The following PCDH10 variants were observed in gnomAD, a reference collection of about 807,000 sequenced individuals.
The protein encoded by PCDH10 is protocadherin-10.
Under a neutral mutation model 74.4 loss-of-function variants are expected in PCDH10, and 15 were observed. The observed-to-expected ratio is 0.20, with a 90% CI of 0.13 to 0.31. PCDH10 has a LOEUF of 0.31. Ranked by LOEUF, PCDH10 falls within the 10% of genes least tolerant of loss-of-function variation. PCDH10 has a pLI of 1.00. For missense variants in PCDH10, 1,260 were observed against 1,390.2 expected, an observed-to-expected ratio of 0.91 and a Z score of 1.49; for synonymous variants, 619 against 589.8, an observed-to-expected ratio of 1.05 and a Z score of -0.72.
chr4:133,171,058 G>A (rs1190022501), intron 4 of PCDH10, among the ~76,000 whole-genome samples: 2 of 151,620 alleles, frequency 1.3e-5, no homozygotes, highest in Non-Finnish European at 2.9e-5. Flanking sequence ...CACTGTAGAT[G>A]AAACAGGTTT....
At chr4:133,159,056 A>C (rs1726916037) in intron 3 of PCDH10, among the ~76,000 whole-genome samples, 1 of 152,090 alleles carries the variant, frequency 6.6e-6, no homozygotes, top group South Asian at 2.1e-4. Flanking sequence ...ATGTATTTTA[A>C]GTCGTTAAAA....
Position 133,151,186 on chromosome 4 carries a change from T to C in PCDH10, c.1046T>C (p.Leu349Pro). Residue 349 changes from leucine to proline, a missense_variant, in exon 1 of 5, where the codon CTG (leucine) becomes CCG (proline). Physicochemically the swap from Leu to Pro is moderately conservative, Grantham distance 98. Transcript: ENST00000264360. ...CACTGCAAGGTGCTAGTGCGAGTAC[T>C]GGATGCTAATGACAACGCGCCAGAG... The part of the protein sequence containing the change: ...PAHCKVLVRV[L>P]DANDNAPEIS... 1 of 1,614,120 alleles carries C rather than the reference T, an allele frequency of 6.2e-7. No individual in the cohort carries two copies. Among genetic ancestry groups the C allele is most frequent in the Non-Finnish European group, 8.5e-7 (1 of 1,180,024 alleles).
At chr4:133,165,607 G>A (rs942591809) in intron 4 of PCDH10, among the ~76,000 whole-genome samples, 4 of 151,298 alleles carry the variant, frequency 2.6e-5, no homozygotes, top group African/African-American at 9.7e-5. Flanking sequence ...CAGAATGTTT[G>A]AATAATTATT....
chr4:133,198,580 A>T (rs896182754), downstream of PCDH10, among the ~76,000 whole-genome samples: 1 of 152,172 alleles, frequency 6.6e-6, no homozygotes, highest in Non-Finnish European at 1.5e-5. Flanking sequence ...CTCACATGAC[A>T]GTGTTTGCAA....
chr4:133,199,223 G>A (rs1165150003), downstream of PCDH10, among the ~76,000 whole-genome samples: 2 of 150,994 alleles, frequency 1.3e-5, no homozygotes, highest in Non-Finnish European at 1.5e-5. Context: ...GAGAGGTGGC[G>A]GTTGCAGTGA....
chr4:133,166,125 A>G (rs936950329), intron 4 of PCDH10, among the ~76,000 whole-genome samples: 2 of 151,560 alleles, frequency 1.3e-5, no homozygotes, highest in Non-Finnish European at 3.0e-5. Flanking sequence ...TTTTTCCTAT[A>G]ATGTTGTAGT....
chr4:133,156,408 T>C (rs947128506), intron 3 of PCDH10, among the ~76,000 whole-genome samples: 5 of 152,244 alleles, frequency 3.3e-5, no homozygotes, highest in Non-Finnish European at 7.3e-5. Flanking sequence ...CTCTGCCCCT[T>C]GCGGGCCTTC....
chr4:133,194,236 G>C lies in PCDH10; in HGVS notation c.*4076G>C, dbSNP rs527481102. 1 of 151,844 alleles carries C rather than the reference G, an allele frequency of 6.6e-6. No individual in the cohort carries two copies. The highest frequency in any genetic ancestry group is 2.1e-4 in the South Asian group (1 of 4,820). The allele number at this position is 151,844 out of a possible 1,614,324, so 9.4% of individuals were successfully genotyped here. ...AAAAATTGCTTTTATTTCTTGAAAA[G>C]TTGTCACATGCTTAGTTTGAAGTTT... On this transcript the variant is annotated 3_prime_UTR_variant, in exon 5 of 5. Coordinates refer to ENST00000264360, the MANE Select transcript of PCDH10 (RefSeq NM_032961.3).
At chr4:133,165,758 T>C (rs1727066385) in intron 4 of PCDH10, among the ~76,000 whole-genome samples, 1 of 151,740 alleles carries the variant, frequency 6.6e-6, no homozygotes, top group Non-Finnish European at 1.5e-5. Context: ...CTGTCATTTA[T>C]ACAATAATGA....
chr4:133,165,431 AAAAC>A (rs1727058803), intron 4 of PCDH10, among the ~76,000 whole-genome samples: 1 of 151,764 alleles, frequency 6.6e-6, no homozygotes, highest in Non-Finnish European at 1.5e-5. Context: ...TACAAACTCT[AAAAC>A]AAAACTATTC....
chr4:133,160,756 C>T (rs1726952889), intron 3 of PCDH10, among the ~76,000 whole-genome samples: 1 of 151,150 alleles, frequency 6.6e-6, no homozygotes, highest in East Asian at 1.9e-4. Context: ...ATTTAGTCGT[C>T]GTGAAGAAAA....
rs1560716555 is a variant in PCDH10 at position 133,191,998 on chromosome 4, T to TACAC, written c.*1839_*1840insCACA. 6.0e-5 allele frequency: 8 copies of TACAC among 133,138 alleles called. No homozygotes were observed. The highest frequency in any genetic ancestry group is 1.8e-4 in the African/African-American group (6 of 33,880). 8.2% of individuals were successfully genotyped at this position (133,138 alleles called of 1,614,324 possible). On this transcript the variant is annotated 3_prime_UTR_variant, in exon 5 of 5. Coordinates refer to ENST00000264360, the MANE Select transcript of PCDH10 (RefSeq NM_032961.3). The stretch of plus-strand genomic sequence containing the variant: ...ACACACACACACACACACACACACT[T>TACAC]AGGTCCTGATATGTACATTTAGAGT...
At chr4:133,190,000 T>C in intron 4 of PCDH10, 141 bp from the exon 5 acceptor site, 1 of 681,202 alleles carries the variant, frequency 1.5e-6, no homozygotes, top group South Asian at 1.7e-5. Flanking sequence ...CTACTAGCAG[T>C]GAAAAAGTTT....
intron 4 of PCDH10, among the ~76,000 whole-genome samples, chr4:133,172,232 T>C (rs1578568525): frequency 6.6e-6 from 1 of 152,006 alleles, no homozygotes; most frequent in Non-Finnish European, 1.5e-5. Context: ...ATTTACACTT[T>C]GCTTGTAAAA....
intron 4 of PCDH10, among the ~76,000 whole-genome samples, chr4:133,177,159 A>T (rs79122388): frequency 6.6e-6 from 1 of 152,096 alleles, no homozygotes; most frequent in African/African-American, 2.4e-5. Context: ...AATGAAAGCC[A>T]TCTGTTAGTA....
intron 2 of PCDH10, among the ~76,000 whole-genome samples, chr4:133,203,862 G>A (rs998169286): frequency 9.9e-5 from 15 of 152,158 alleles, no homozygotes; most frequent in Non-Finnish European, 1.0e-4. Context: ...AATCTCCTCA[G>A]TGCTGGAGTC....
Position 133,191,387 on chromosome 4 carries a change from T to C in PCDH10, c.*1227T>C, listed in dbSNP as rs952426371. On this transcript the variant is annotated 3_prime_UTR_variant, in exon 5 of 5. Transcript: ENST00000264360. ...GAATAACTATAAAATATGAAAGCTC[T>C]AAATTTAAAATAAATTTAGAGATAG... The C allele has an allele frequency of 6.6e-6, 1 of 152,246 alleles. No individual in the cohort carries two copies. The highest frequency in any genetic ancestry group is 1.5e-5 in the Non-Finnish European group (1 of 67,802). 9.4% of individuals were successfully genotyped at this position (152,246 alleles called of 1,614,324 possible). A position where few individuals can be genotyped will look rare whatever the true frequency, so the allele number is the denominator to read the frequency against.
In PCDH10 at chr4:133,163,074, G is replaced by A; in HGVS notation, c.2895G>A (p.Gln965=). 1 of 1,614,148 alleles carries A rather than the reference G, an allele frequency of 6.2e-7. No individual in the cohort carries two copies. The highest frequency in any genetic ancestry group is 8.5e-7 in the Non-Finnish European group (1 of 1,180,000). ...MPSFVPSDGR[Q]AADYRSNLHV... ...CTTTTGTCCCTTCTGATGGACGCCA[G>A]GCTGCTGATTATCGCAGCAATCTGC... The change falls in exon 4 of 5, where the codon CAG becomes CAA. Residue 965 remains glutamine (Q), a synonymous_variant. Coordinates refer to ENST00000264360, the MANE Select transcript of PCDH10 (RefSeq NM_032961.3).
In PCDH10 at chr4:133,150,517, A is replaced by G. The variant is rs760324195; in HGVS notation, c.377A>G (p.Asp126Gly). The G allele has an allele frequency of 1.9e-6, 3 of 1,613,424 alleles. No individual in the cohort carries two copies. The East Asian group carries it at 6.7e-5, about 36-fold the overall frequency. ...NDNPPSFPEP[D>G]LTVEISESAT... is the part of the protein sequence containing the mutation. The stretch of plus-strand genomic sequence containing the variant: ...AACCCCCCCTCTTTCCCGGAGCCAG[A>G]CCTGACGGTGGAAATCTCTGAGAGC... Residue 126 changes from aspartate to glycine, a missense_variant, in exon 1 of 5, where the codon GAC (aspartate) becomes GGC (glycine). This residue lies in a region of PCDH10 where 63 missense variants were observed against 100.7 expected (regional missense o/e 0.63). Coordinates refer to ENST00000264360, the MANE Select transcript of PCDH10 (RefSeq NM_032961.3).
Sources: allele counts gnomAD v4.1 joint callset (sites outside exome capture counted in the v4.1 genomes callset), GRCh38; gene constraint gnomAD v4.1.1; regional missense constraint gnomAD v4.1.1; transcripts MANE v1.5; gene names NCBI Gene and HGNC (gene_info 2026-07-23, HGNC 2026-07-21).